Variants in NCOR1 observed in about 807,000 individuals in gnomAD.
NCOR1 encodes protein phosphatase 1, regulatory subunit 109.
In NCOR1, 63 loss-of-function variants were observed where a neutral mutation model predicts 288.1. That is an observed-to-expected ratio of 0.22 (90% CI 0.18 to 0.27). The LOEUF is 0.27. Among genes scored for constraint, NCOR1 ranks in the 10% least tolerant of loss-of-function variants. NCOR1 has a pLI of 1.00. For missense variants in NCOR1, 2,397 were observed against 3,019.2 expected (o/e 0.79, Z 4.83); for synonymous variants, 1,007 against 1,065.9 (o/e 0.94, Z 1.08).
At chr17:16,059,861 T>C (rs1338200189) in intron 37 of NCOR1, among the ~76,000 whole-genome samples, 2 of 152,198 alleles carry the variant, frequency 1.3e-5, no homozygotes, top group African/African-American at 2.4e-5. Flanking sequence ...ACCTGGGTTC[T>C]AGTACACTTA....
At chr17:16,163,143 G>A (rs1458680473) in intron 5 of NCOR1, among the ~76,000 whole-genome samples, 1 of 152,022 alleles carries the variant, frequency 6.6e-6, no homozygotes, top group Non-Finnish European at 1.5e-5. Flanking sequence ...AACACCAAAT[G>A]TAAGAGTGAC....
chr17:16,097,839 C>T (rs1193831162), intron 21 of NCOR1, among the ~76,000 whole-genome samples: 1 of 152,164 alleles, frequency 6.6e-6, no homozygotes, highest in Non-Finnish European at 1.5e-5. Context: ...ATAGAACTGG[C>T]ATCAGAAATG....
At chr17:16,119,387 A>G in intron 17 of NCOR1, 36 bp downstream of exon 17, 1 of 1,515,610 alleles carries the variant, frequency 6.6e-7, no homozygotes, top group Non-Finnish European at 9.0e-7. Context: ...AAAAAACAAA[A>G]CAAAAACCTG....
intron 18 of NCOR1, among the ~76,000 whole-genome samples, chr17:16,115,023 C>A (rs377499923): frequency 6.6e-6 from 1 of 152,138 alleles, no homozygotes; most frequent in Non-Finnish European, 1.5e-5. Flanking sequence ...AACATCCAGG[C>A]GTTTCCATAC....
At chr17:16,111,462 C>G (rs1436300285) in intron 18 of NCOR1, among the ~76,000 whole-genome samples, 1 of 151,888 alleles carries the variant, frequency 6.6e-6, no homozygotes, top group African/African-American at 2.4e-5. Flanking sequence ...ATTAGTCAGG[C>G]ATGGTGGTGT....
rs771480839 is a variant in NCOR1 at position 16,047,101 on chromosome 17, G to A, written c.6537-8C>T. 1 of 1,608,618 alleles carries A rather than the reference G, an allele frequency of 6.2e-7. No individual in the cohort carries two copies. Among genetic ancestry groups the A allele is most frequent in the Admixed American group, 1.7e-5 (1 of 59,218 alleles). ...GGTGAGCGGGCATCATTCCTGTTAG[G>A]GCCAAAGTTAAGTATATTACAACCA... On this transcript the variant is annotated splice_region_variant and splice_polypyrimidine_tract_variant and intron_variant, in intron 41 of 45. Transcript: ENST00000268712.
intron 21 of NCOR1, among the ~76,000 whole-genome samples, chr17:16,094,819 G>A (rs569856855): frequency 2.0e-5 from 3 of 152,218 alleles, no homozygotes; most frequent in African/African-American, 7.2e-5. Context: ...CACCAGCCTC[G>A]GCATTCTGAG....
At chr17:16,035,241 A>C (rs1256440904) in intron 44 of NCOR1, among the ~76,000 whole-genome samples, 2 of 152,196 alleles carry the variant, frequency 1.3e-5, no homozygotes, top group African/African-American at 4.8e-5. Context: ...CCTTTCATGA[A>C]AGACTTATTT....
At chr17:16,129,069 A>T (rs2075205897) in intron 14 of NCOR1, among the ~76,000 whole-genome samples, 1 of 152,184 alleles carries the variant, frequency 6.6e-6, no homozygotes, top group Non-Finnish European at 1.5e-5. Context: ...TTATGCCTTG[A>T]CATTATTTTT....
chr17:16,131,125 T>C (rs566039976), intron 14 of NCOR1, among the ~76,000 whole-genome samples: 6 of 152,166 alleles, frequency 3.9e-5, no homozygotes, highest in Non-Finnish European at 4.4e-5. Context: ...ATAGCTGGGA[T>C]TACACTACAG....
Position 16,057,928 on chromosome 17 carries a change from G to T in NCOR1, c.6147C>A (p.Ile2049=), listed in dbSNP as rs371495015. Residue 2049 remains isoleucine (I), a synonymous_variant, in exon 39 of 46, where the codon ATC becomes ATA. Transcript: ENST00000268712. ...MGQVPRTHRL[I]TLADHICQII... Reference sequence around the variant, plus strand: ...TTACACAGATGTGATCAGCAAGTGTGATCAGCCGATGGGTCCTGGGCACTT... The same window carrying T: ...TTACACAGATGTGATCAGCAAGTGTTATCAGCCGATGGGTCCTGGGCACTT... 8 of 1,611,060 alleles carry T rather than the reference G, an allele frequency of 5.0e-6. No individual in the cohort carries two copies. Among genetic ancestry groups the T allele is most frequent in the Non-Finnish European group, 5.9e-6 (7 of 1,178,454 alleles).
chr17:16,080,092 T>C (rs2063163076), intron 25 of NCOR1, 28 bp from the exon 26 acceptor site: 1 of 1,582,066 alleles, frequency 6.3e-7, no homozygotes, highest in Non-Finnish European at 8.7e-7. Flanking sequence ...TATTAGCAAA[T>C]TACACCCCCA....
intron 4 of NCOR1, among the ~76,000 whole-genome samples, chr17:16,165,890 A>G (rs542599513): frequency 1.3e-5 from 2 of 152,318 alleles, no homozygotes; most frequent in South Asian, 4.1e-4. Flanking sequence ...CAATATTATA[A>G]AACAGATAAA....
chr17:16,085,058 C>T (rs916028158), intron 23 of NCOR1, among the ~76,000 whole-genome samples: 2 of 152,138 alleles, frequency 1.3e-5, no homozygotes, highest in East Asian at 3.9e-4. Context: ...TAACAGAGAA[C>T]TTTCAACCAT....
At chr17:16,103,363 C>T (rs910747179) in intron 19 of NCOR1, among the ~76,000 whole-genome samples, 2 of 152,250 alleles carry the variant, frequency 1.3e-5, no homozygotes, top group Non-Finnish European at 2.9e-5. Context: ...AACCAACTCT[C>T]TTCACTCCAC....
intron 5 of NCOR1, 156 bp downstream of exon 5, chr17:16,164,823 T>C: frequency 3.9e-6 from 2 of 515,374 alleles, no homozygotes; most frequent in Non-Finnish European, 6.8e-6. Context: ...AATGAATGAA[T>C]GTAAGAAAAC....
At position 16,073,492 on chromosome 17, in the gene NCOR1, C is replaced by T; in HGVS notation, c.3748G>A (p.Val1250Met). The T allele has an allele frequency of 6.2e-7, 1 of 1,612,582 alleles. No homozygotes were observed. Residue 1250 changes from valine to methionine, a missense_variant, in exon 28 of 46, where the codon GTG (valine) becomes ATG (methionine). Transcript: ENST00000268712. Reference protein sequence around the residue: ...EISLKRSYESVEGNIKQGMSM... With the variant: ...EISLKRSYESMEGNIKQGMSM... ...ATCCCTTGCTTTATATTTCCTTCCA[C>T]TGATTCATAGCTTCTCTTTAAACTG...
At chr17:16,077,291 G>C (rs1047267750) in intron 26 of NCOR1, among the ~76,000 whole-genome samples, 1 of 150,818 alleles carries the variant, frequency 6.6e-6, no homozygotes, top group Non-Finnish European at 1.5e-5. Flanking sequence ...CAGCTACTTG[G>C]GTGGCTGAGG....
At chr17:16,126,528 A>C (rs1325353369) in intron 14 of NCOR1, among the ~76,000 whole-genome samples, 1 of 152,128 alleles carries the variant, frequency 6.6e-6, no homozygotes, top group Non-Finnish European at 1.5e-5. Flanking sequence ...AAGCATTCCA[A>C]TTCTACCTTA....
Sources: gnomAD v4.1 joint callset for allele counts (sites outside exome capture counted in the v4.1 genomes callset) on GRCh38, gnomAD v4.1.1 for gene constraint, MANE v1.5 for transcripts, NCBI Gene and HGNC (gene_info 2026-07-23, HGNC 2026-07-21) for gene names.